KCNIP1: variants seen among roughly 807,000 people sequenced by gnomAD.
KCNIP1 encodes potassium voltage-gated channel interacting protein 1, also known as A-type potassium channel modulatory protein KCNIP1.
KCNIP1 carries 18 observed loss-of-function variants against 33.0 expected under a neutral mutation model. That is an observed-to-expected ratio of 0.55 (90% CI 0.38 to 0.81). The LOEUF (loss-of-function observed/expected upper bound fraction) is 0.81. Among genes scored for constraint, KCNIP1 ranks in the 30% least tolerant of loss-of-function variants. The probability of loss-of-function intolerance (pLI) is 0.00; values close to 1 mark genes in which losing one functional copy is unlikely to be tolerated. For missense variants in KCNIP1, 238 were observed against 271.6 expected, an observed-to-expected ratio of 0.88 and a Z score of 0.87; for synonymous variants, 93 against 98.3, an observed-to-expected ratio of 0.95 and a Z score of 0.32.
intron 1 of KCNIP1, among the ~76,000 whole-genome samples, chr5:170,576,251 T>C (rs1288527158): frequency 1.3e-5 from 2 of 152,204 alleles, no homozygotes; most frequent in African/African-American, 4.8e-5. Context: ...AGTCTCCTTG[T>C]TTGGGCCTCA....
In KCNIP1 at chr5:170,618,943, G is replaced by C. The variant is rs78576161; in HGVS notation, c.62-99815G>C. Among the ~76,000 whole-genome samples, 1,088 of 152,242 alleles carry C rather than the reference G, an allele frequency of 7.1e-3. 5 individuals carry two copies. Among genetic ancestry groups the C allele is most frequent in the African/African-American group, 0.025 (1,037 of 41,534 alleles). On this transcript the variant is annotated intron_variant, in intron 1 of 7. Coordinates refer to ENST00000328939, the MANE Select transcript of KCNIP1 (RefSeq NM_014592.4). ...GAGAGCTGCAGTCATGGGGGACACT[G>C]TCTAGATCTGGGGACCCTCCCAAGC...
At chr5:170,423,156 C>T (rs1284162128) in intron 1 of KCNIP1, among the ~76,000 whole-genome samples, 1 of 152,180 alleles carries the variant, frequency 6.6e-6, no homozygotes, top group Admixed American at 6.5e-5. Flanking sequence ...CTGCTCTAGT[C>T]CTGACTTTTT....
intron 2 of KCNIP1, 79 bp from the exon 3 acceptor site, chr5:170,720,242 C>A: frequency 9.9e-7 from 1 of 1,014,392 alleles, no homozygotes; most frequent in South Asian, 1.3e-5. Context: ...TGAGGAACCC[C>A]AGACACCAAG....
intron 1 of KCNIP1, chr5:170,680,955 C>T: frequency 2.5e-6 from 1 of 398,198 alleles, no homozygotes; most frequent in East Asian, 3.6e-5. Flanking sequence ...GGAAGGCAGA[C>T]TGGTGGAAAA....
At chr5:170,719,993 C>G (rs982129188) in intron 2 of KCNIP1, among the ~76,000 whole-genome samples, 1 of 152,134 alleles carries the variant, frequency 6.6e-6, no homozygotes, top group Admixed American at 6.5e-5. Flanking sequence ...TTATTGTTAC[C>G]CCCATTTTAC....
At chr5:170,463,628 G>A (rs1756552136) in intron 1 of KCNIP1, among the ~76,000 whole-genome samples, 1 of 152,154 alleles carries the variant, frequency 6.6e-6, no homozygotes, top group African/African-American at 2.4e-5. Context: ...CTGACGTCAT[G>A]ATAAAAACAC....
chr5:170,579,571 G>A (rs546443351), intron 1 of KCNIP1, among the ~76,000 whole-genome samples: 1 of 152,184 alleles, frequency 6.6e-6, no homozygotes, highest in Admixed American at 6.6e-5. Context: ...ATACCATCTT[G>A]CTGGCACAGC....
chr5:170,658,964 C>T (rs868548871), intron 1 of KCNIP1, among the ~76,000 whole-genome samples: 4 of 152,124 alleles, frequency 2.6e-5, no homozygotes, highest in Admixed American at 6.5e-5. Flanking sequence ...TCTAAGTCGA[C>T]GTTTCCAAAG....
intron 1 of KCNIP1, among the ~76,000 whole-genome samples, chr5:170,638,659 C>T (rs1026521232): frequency 6.6e-6 from 1 of 152,186 alleles, no homozygotes; most frequent in Non-Finnish European, 1.5e-5. Flanking sequence ...CCCTCCTCCT[C>T]TCTACCCGGG....
chr5:170,572,444 C>T (rs570767172), intron 1 of KCNIP1, among the ~76,000 whole-genome samples: 4 of 152,278 alleles, frequency 2.6e-5, no homozygotes, highest in South Asian at 4.2e-4. Flanking sequence ...TCCCTTCTTG[C>T]GCTCACAGTG....
In KCNIP1 at chr5:170,712,912, A is replaced by C. The variant is rs781649603; in HGVS notation, c.62-5846A>C. ...GTAAAAAACAGTTTAAACTAACCTG[A>C]CTTTGGTCACATGACTTGCAAAGGC... On this transcript the variant is annotated intron_variant, in intron 1 of 7. Coordinates refer to ENST00000328939, the MANE Select transcript of KCNIP1 (RefSeq NM_014592.4). 13 of 1,599,644 alleles carry C rather than the reference A, an allele frequency of 8.1e-6. No homozygotes were observed. The Admixed American group carries it at 2.0e-4, about 25-fold the overall frequency.
chr5:170,358,874 C>A (rs1763422497), intron 1 of KCNIP1, among the ~76,000 whole-genome samples: 1 of 152,172 alleles, frequency 6.6e-6, no homozygotes, highest in Non-Finnish European at 1.5e-5. Flanking sequence ...GCAGCCAAGA[C>A]AAGGTACATT....
At chr5:170,705,657 T>A (rs1439940297) in intron 1 of KCNIP1, among the ~76,000 whole-genome samples, 2 of 152,196 alleles carry the variant, frequency 1.3e-5, no homozygotes, top group East Asian at 1.9e-4. Context: ...CATAAAACGA[T>A]CATATTTACT....
At chr5:170,656,992 C>CTTTTTTTTTTTTTT (rs11397076) in intron 1 of KCNIP1, among the ~76,000 whole-genome samples, 2 of 116,436 alleles carry the variant, frequency 1.7e-5, no homozygotes, top group African/African-American at 3.6e-5. Context: ...TTTTTTCTTT[C>CTTTTTTTTTTTTTT]TTTCTTTTTT....
intron 1 of KCNIP1, among the ~76,000 whole-genome samples, chr5:170,580,921 G>T (rs1479371712): frequency 6.6e-6 from 1 of 152,150 alleles, no homozygotes; most frequent in Non-Finnish European, 1.5e-5. Flanking sequence ...TCCATCAGAG[G>T]CTTGGCAACT....
At chr5:170,651,153 A>G (rs1216396160) in intron 1 of KCNIP1, among the ~76,000 whole-genome samples, 1 of 152,102 alleles carries the variant, frequency 6.6e-6, no homozygotes, top group Non-Finnish European at 1.5e-5. Context: ...CATGGCGACA[A>G]CTCTGGACTC....
intron 1 of KCNIP1, among the ~76,000 whole-genome samples, chr5:170,458,129 C>T (rs901548691): frequency 1.3e-5 from 2 of 152,030 alleles, no homozygotes; most frequent in African/African-American, 4.8e-5. Context: ...TTAGAATGAA[C>T]CCAATCCAAA....
At chr5:170,621,809 T>C (rs1276672304) in intron 1 of KCNIP1, among the ~76,000 whole-genome samples, 1 of 152,216 alleles carries the variant, frequency 6.6e-6, no homozygotes, top group Non-Finnish European at 1.5e-5. Flanking sequence ...GCACCTGGCC[T>C]TATTCCCTTC....
At chr5:170,486,791 C>T (rs1241526066) in intron 1 of KCNIP1, among the ~76,000 whole-genome samples, 1 of 152,194 alleles carries the variant, frequency 6.6e-6, no homozygotes, top group South Asian at 2.1e-4. Flanking sequence ...CTGGGCCCTG[C>T]CTGCCCCAGC....
Sources: allele counts gnomAD v4.1 joint callset (sites outside exome capture counted in the v4.1 genomes callset), GRCh38; gene constraint gnomAD v4.1.1; transcripts MANE v1.5; gene names NCBI Gene and HGNC (gene_info 2026-07-23, HGNC 2026-07-21).